Variants in MARCHF8 observed in about 807,000 individuals in gnomAD.
MARCHF8 encodes the protein membrane associated ring-CH-type finger 8, also known as E3 ubiquitin-protein ligase MARCHF8.
A neutral mutation model predicts 51.6 loss-of-function variants in MARCHF8; 40 were observed. The observed-to-expected ratio is 0.77, with a 90% CI of 0.60 to 1.01. MARCHF8 has a LOEUF of 1.01. Ranked by LOEUF, MARCHF8 falls within the 50% of genes least tolerant of loss-of-function variation. The pLI, the probability that MARCHF8 is intolerant of heterozygous loss-of-function variation, is 0.00. For synonymous variants in MARCHF8, 263 were observed against 280.3 expected (o/e 0.94, Z 0.62); for missense variants, 685 against 708.6 (o/e 0.97, Z 0.38).
intron 1 of MARCHF8, among the ~76,000 whole-genome samples, chr10:45,533,732 T>C (rs2043928269): frequency 6.6e-6 from 1 of 152,128 alleles, no homozygotes; most frequent in South Asian, 2.1e-4. Context: ...AAACTCAAGG[T>C]ATCTATGATC....
chr10:45,514,474 A>G (rs1033412736), intron 2 of MARCHF8, among the ~76,000 whole-genome samples: 7 of 152,276 alleles, frequency 4.6e-5, no homozygotes, highest in African/African-American at 1.2e-4. Context: ...GCAGCAGCAC[A>G]TGGCTGGCTG....
intron 1 of MARCHF8, among the ~76,000 whole-genome samples, chr10:45,543,407 G>A (rs533466909): frequency 2.6e-5 from 4 of 152,112 alleles, no homozygotes; most frequent in Non-Finnish European, 4.4e-5. Context: ...AGACTTTATT[G>A]AATTTAAAAC....
At chr10:45,583,482 G>A (rs1185229939) in intron 1 of MARCHF8, among the ~76,000 whole-genome samples, 1 of 152,116 alleles carries the variant, frequency 6.6e-6, no homozygotes, top group African/African-American at 2.4e-5. Flanking sequence ...AACAGGGGAA[G>A]GGCTGAATAA....
chr10:45,565,066 A>C (rs75005745), intron 1 of MARCHF8, among the ~76,000 whole-genome samples: 2,079 of 152,052 alleles, frequency 0.014, 55 homozygotes, highest in African/African-American at 0.047. Flanking sequence ...TATTCTCTTA[A>C]TTTCTTTAGA....
At chr10:45,505,880 G>C (rs958014464) in intron 2 of MARCHF8, among the ~76,000 whole-genome samples, 1 of 152,158 alleles carries the variant, frequency 6.6e-6, no homozygotes, top group Non-Finnish European at 1.5e-5. Context: ...TCTTTGACAC[G>C]GACTGATGAG....
At chr10:45,502,157 A>C (rs975633183) in intron 2 of MARCHF8, among the ~76,000 whole-genome samples, 2 of 152,234 alleles carry the variant, frequency 1.3e-5, no homozygotes, top group African/African-American at 4.8e-5. Flanking sequence ...ACATGTTCAC[A>C]TAAAAACCTA....
chr10:45,572,929 TC>T (rs2044448036), intron 1 of MARCHF8, among the ~76,000 whole-genome samples: 1 of 151,268 alleles, frequency 6.6e-6, no homozygotes, highest in Non-Finnish European at 1.5e-5. Context: ...TTTTATCACC[TC>T]CCCCTCCTCA....
intron 1 of MARCHF8, among the ~76,000 whole-genome samples, chr10:45,571,617 C>A (rs889984465): frequency 4.0e-5 from 6 of 151,536 alleles, no homozygotes; most frequent in Non-Finnish European, 7.4e-5. Flanking sequence ...GGAGATCAAT[C>A]CCCTGTCCTC....
chr10:45,481,971 T>G (rs2042895141), intron 3 of MARCHF8, among the ~76,000 whole-genome samples: 1 of 152,210 alleles, frequency 6.6e-6, no homozygotes, highest in African/African-American at 2.4e-5. Context: ...GGAAAAGTTA[T>G]AGGATACAAA....
chr10:45,575,818 C>A (rs1009586938), intron 1 of MARCHF8, among the ~76,000 whole-genome samples: 1 of 152,128 alleles, frequency 6.6e-6, no homozygotes, highest in African/African-American at 2.4e-5. Context: ...CCTGTTCCTG[C>A]CTTAACTGAT....
At chr10:45,503,206 T>C (rs2043312702) in intron 2 of MARCHF8, among the ~76,000 whole-genome samples, 1 of 152,152 alleles carries the variant, frequency 6.6e-6, no homozygotes. Context: ...ACACTGCAAT[T>C]ACAGGACACA....
chr10:45,533,609 T>G (rs2043925805), intron 1 of MARCHF8, among the ~76,000 whole-genome samples: 1 of 145,122 alleles, frequency 6.9e-6, no homozygotes, highest in Non-Finnish European at 1.5e-5. Context: ...GAAGTTAAAC[T>G]TTTTTTTTTA....
chr10:45,491,756 G>T (rs1419332879), intron 2 of MARCHF8, among the ~76,000 whole-genome samples: 1 of 152,162 alleles, frequency 6.6e-6, no homozygotes, highest in Non-Finnish European at 1.5e-5. Context: ...TTAAATTTTA[G>T]TGTAGTCTAC....
At chr10:45,544,441 T>G (rs2044095687) in intron 1 of MARCHF8, among the ~76,000 whole-genome samples, 1 of 152,204 alleles carries the variant, frequency 6.6e-6, no homozygotes, top group Non-Finnish European at 1.5e-5. Flanking sequence ...GCAGCATTCC[T>G]CATAATAGCC....
At chr10:45,482,719 C>T (rs987227907) in intron 3 of MARCHF8, among the ~76,000 whole-genome samples, 5 of 152,158 alleles carry the variant, frequency 3.3e-5, no homozygotes, top group Non-Finnish European at 7.3e-5. Context: ...AGTGCCACTG[C>T]ACTCCAGCCT....
At chr10:45,562,880 T>TCA (rs933764055) in intron 1 of MARCHF8, among the ~76,000 whole-genome samples, 28 of 150,822 alleles carry the variant, frequency 1.9e-4, no homozygotes, top group African/African-American at 6.1e-4. Context: ...GAAGGGGAGG[T>TCA]CATTAAAGTA....
intron 1 of MARCHF8, among the ~76,000 whole-genome samples, chr10:45,542,813 A>G (rs2044071136): frequency 6.6e-6 from 1 of 152,248 alleles, no homozygotes; most frequent in Non-Finnish European, 1.5e-5. Flanking sequence ...ACAGATCAAC[A>G]TCTAATGCCA....
intron 2 of MARCHF8, among the ~76,000 whole-genome samples, chr10:45,498,771 C>T (rs1158584301): frequency 6.6e-6 from 1 of 152,212 alleles, no homozygotes. Context: ...CCGCTGTGCC[C>T]AGCCAGAATC....
chr10:45,569,546 T>C (rs186154158), intron 1 of MARCHF8, among the ~76,000 whole-genome samples: 12 of 152,328 alleles, frequency 7.9e-5, no homozygotes, highest in East Asian at 5.8e-4. Flanking sequence ...ATCAGAGATA[T>C]TGGCCTGCAG....
Sources: allele counts gnomAD v4.1 joint callset (sites outside exome capture counted in the v4.1 genomes callset), GRCh38; gene constraint gnomAD v4.1.1; transcripts MANE v1.5; gene names NCBI Gene and HGNC (gene_info 2026-07-23, HGNC 2026-07-21).